Variants in FANCC observed in about 807,000 individuals in gnomAD.
FANCC encodes the protein FA complementation group C, also known as Fanconi anemia group C protein.
A neutral mutation model predicts 71.3 loss-of-function variants in FANCC; 55 were observed. That is an observed-to-expected ratio of 0.77 (90% CI 0.62 to 0.97). The LOEUF (loss-of-function observed/expected upper bound fraction) is 0.97. FANCC is among the 50% of genes least tolerant of loss of function. The pLI, the probability that FANCC is intolerant of heterozygous loss-of-function variation, is 0.00. For missense variants in FANCC, 678 were observed against 670.9 expected (o/e 1.01, Z -0.12); for synonymous variants, 275 against 244.9 (o/e 1.12, Z -1.15).
intron 13 of FANCC, 24 bp from the exon 14 acceptor site, chr9:95,107,293 GA>G: frequency 6.2e-7 from 1 of 1,608,656 alleles, no homozygotes; most frequent in Non-Finnish European, 8.5e-7. Flanking sequence ...TTTCACAGGG[GA>G]GAGGTTAGGA....
At chr9:95,105,605 G>C (rs1437385721) in intron 14 of FANCC, among the ~76,000 whole-genome samples, 1 of 152,130 alleles carries the variant, frequency 6.6e-6, no homozygotes, top group Admixed American at 6.5e-5. Context: ...ACAGCCATCA[G>C]CACTGGCCGT....
chr9:95,311,717 G>C (rs941759723), intron 1 of FANCC, among the ~76,000 whole-genome samples: 1 of 151,312 alleles, frequency 6.6e-6, no homozygotes, highest in African/African-American at 2.4e-5. Context: ...ATCTGTGTGT[G>C]TGTGTGTGTG....
At chr9:95,264,627 C>A (rs999795558) in intron 1 of FANCC, among the ~76,000 whole-genome samples, 1 of 152,072 alleles carries the variant, frequency 6.6e-6, no homozygotes, top group Non-Finnish European at 1.5e-5. Flanking sequence ...CATTTACCCT[C>A]AGCATGAGGT....
chr9:95,295,111 G>A (rs1834287683), intron 1 of FANCC, among the ~76,000 whole-genome samples: 1 of 152,042 alleles, frequency 6.6e-6, no homozygotes, highest in African/African-American at 2.4e-5. Context: ...TCATAATACT[G>A]GTCTTCTGGG....
At chr9:95,301,272 G>A (rs1834716757) in intron 1 of FANCC, among the ~76,000 whole-genome samples, 1 of 151,712 alleles carries the variant, frequency 6.6e-6, no homozygotes, top group South Asian at 2.1e-4. Flanking sequence ...TCAGAAAGAT[G>A]TTCATCATAA....
rs1192460575 is a variant in FANCC at position 95,099,929 on chromosome 9, C to T, written c.*1778G>A. 5 of 232,562 alleles carry T rather than the reference C, an allele frequency of 2.1e-5. No individual in the cohort carries two copies. The highest frequency in any genetic ancestry group is 4.2e-5 in the Non-Finnish European group (5 of 117,686). The allele number at this position is 232,562 out of a possible 1,614,324, so 14.4% of individuals were successfully genotyped here. On this transcript the variant is annotated 3_prime_UTR_variant, in exon 15 of 15. Transcript: ENST00000289081. ...GGAGGAGGAAGAGGCCAACCCTGTA[C>T]ACAGGACCACAGGACAGGGTGGAGG... is the stretch of plus-strand genomic sequence containing the variant.
At chr9:95,232,793 G>A (rs13292454) in intron 4 of FANCC, among the ~76,000 whole-genome samples, 7,748 of 152,270 alleles carry the variant, frequency 0.051, 275 homozygotes, top group Admixed American at 0.084. Flanking sequence ...GTTTTTCTCA[G>A]CTATGTTTTG....
intron 13 of FANCC, chr9:95,111,163 C>G: frequency 6.5e-7 from 1 of 1,535,644 alleles, no homozygotes; most frequent in Non-Finnish European, 8.7e-7. Flanking sequence ...GGACGCGACC[C>G]TGGGGCAGAT....
chr9:95,229,280 A>G (rs1441239431), intron 4 of FANCC, among the ~76,000 whole-genome samples: 4 of 141,274 alleles, frequency 2.8e-5, no homozygotes, highest in African/African-American at 5.4e-5. Flanking sequence ...CCTGAGCGAC[A>G]GGGTGAGATT....
intron 4 of FANCC, among the ~76,000 whole-genome samples, chr9:95,183,907 TGTTA>T (rs1826542505): frequency 1.3e-5 from 2 of 152,228 alleles, no homozygotes; most frequent in Non-Finnish European, 2.9e-5. Context: ...AGAAAGCTTT[TGTTA>T]GTTCCATCCG....
intron 4 of FANCC, among the ~76,000 whole-genome samples, chr9:95,230,442 T>C (rs1372742328): frequency 6.6e-6 from 1 of 152,180 alleles, no homozygotes; most frequent in Non-Finnish European, 1.5e-5. Flanking sequence ...CCTTATTGTG[T>C]CCGGAATTTA....
chr9:95,111,763 C>A (rs1019731448), intron 12 of FANCC, 126 bp from the exon 13 acceptor site: 5 of 1,040,134 alleles, frequency 4.8e-6, no homozygotes, highest in Non-Finnish European at 7.4e-6. Context: ...GTGCAACCTG[C>A]AAGGAATACA....
intron 10 of FANCC, among the ~76,000 whole-genome samples, chr9:95,124,355 T>C (rs867807969): frequency 6.6e-6 from 1 of 152,138 alleles, no homozygotes; most frequent in Admixed American, 6.5e-5. Context: ...AGGCCAAATA[T>C]ATATGCTGAA....
chr9:95,147,634 G>A (rs1056266949), intron 7 of FANCC, among the ~76,000 whole-genome samples: 5 of 152,194 alleles, frequency 3.3e-5, no homozygotes, highest in Non-Finnish European at 5.9e-5. Context: ...CAAAAAATGT[G>A]AGGAAAGTTA....
At chr9:95,235,804 AT>A (rs1830285968) in intron 4 of FANCC, among the ~76,000 whole-genome samples, 1 of 117,776 alleles carries the variant, frequency 8.5e-6, no homozygotes, top group Non-Finnish European at 1.6e-5. Context: ...AGATTGCGCC[AT>A]TGCACTCCAA....
intron 6 of FANCC, among the ~76,000 whole-genome samples, chr9:95,155,066 G>A (rs1313750725): frequency 6.7e-6 from 1 of 150,076 alleles, no homozygotes; most frequent in Admixed American, 6.7e-5. Flanking sequence ...AATTAGCTGG[G>A]TGTGGTGGCA....
chr9:95,235,844 CAAA>C lies in FANCC; in HGVS notation c.345+4802_345+4804del, dbSNP rs10666439. The stretch of plus-strand genomic sequence containing the variant: ...GGGCAACAAGAGTGAAACTCCACCT[CAAA>C]AAAAAAAAAAAAAAAAAAAAAAAGC... On this transcript the variant is annotated intron_variant, in intron 4 of 14. Transcript: ENST00000289081. Among the ~76,000 whole-genome samples the C allele has an allele frequency of 3.1e-3, 113 of 36,216 alleles. No homozygotes were observed. The South Asian group carries it at 0.078, about 25-fold the overall frequency. 23.8% of individuals were successfully genotyped at this position (36,216 alleles called of 152,430 possible).
rs1831528130 is a variant in FANCC at position 95,254,372 on chromosome 9, A to G, written c.-78-5003T>C. On this transcript the variant is annotated intron_variant, in intron 1 of 14. Coordinates refer to ENST00000289081, the MANE Select transcript of FANCC (RefSeq NM_000136.3). The stretch of plus-strand genomic sequence containing the variant: ...CAGGTGATTTCTGCATTTCCAACTG[A>G]GGTACCCGGCTCATCTCACTGGGAC... Among the ~76,000 whole-genome samples the G allele has an allele frequency of 2.0e-5, 3 of 152,318 alleles. No homozygotes were observed. The South Asian group carries it at 6.2e-4, about 32-fold the overall frequency.
intron 1 of FANCC, among the ~76,000 whole-genome samples, chr9:95,268,898 G>A (rs545524895): frequency 1.7e-4 from 26 of 152,286 alleles, no homozygotes; most frequent in African/African-American, 6.3e-4. Flanking sequence ...GGAACCAGCC[G>A]CTGTGCTCTC....
Sources: allele counts gnomAD v4.1 joint callset (sites outside exome capture counted in the v4.1 genomes callset), GRCh38; gene constraint gnomAD v4.1.1; transcripts MANE v1.5; gene names NCBI Gene and HGNC (gene_info 2026-07-23, HGNC 2026-07-21).